Variants in MEGF6 observed in about 807,000 individuals in gnomAD.
The protein encoded by MEGF6 is multiple epidermal growth factor-like domains protein 6.
MEGF6 carries 184 observed loss-of-function variants against 207.1 expected under a neutral mutation model. The observed-to-expected ratio is 0.89, with a 90% CI of 0.79 to 1.00. The LOEUF (loss-of-function observed/expected upper bound fraction) is 1.00, where lower values mean the gene tolerates loss of function less well. Ranked by LOEUF, MEGF6 falls within the 50% of genes least tolerant of loss-of-function variation. The probability of loss-of-function intolerance (pLI) is 0.00; values close to 1 mark genes in which losing one functional copy is unlikely to be tolerated. For missense variants in MEGF6, 2,282 were observed against 2,202.9 expected, an observed-to-expected ratio of 1.04 and a Z score of -0.72; for synonymous variants, 1,038 against 910.0, an observed-to-expected ratio of 1.14 and a Z score of -2.53.
At chr1:3,506,557 G>A (rs747389490) in intron 14 of MEGF6, among the ~76,000 whole-genome samples, 2 of 152,200 alleles carry the variant, frequency 1.3e-5, no homozygotes, top group Non-Finnish European at 2.9e-5. Context: ...CTGTCCCCTG[G>A]TGGTCACTAA....
At chr1:3,505,770 C>T (rs1641091467) in intron 15 of MEGF6, among the ~76,000 whole-genome samples, 1 of 152,216 alleles carries the variant, frequency 6.6e-6, no homozygotes, top group Non-Finnish European at 1.5e-5. Context: ...GGCCTTGCTG[C>T]CAGGAATCTC....
chr1:3,497,486 C>A (rs577009484), intron 26 of MEGF6, 125 bp from the exon 27 acceptor site: 2 of 1,227,884 alleles, frequency 1.6e-6, no homozygotes, highest in Non-Finnish European at 2.2e-6. Flanking sequence ...GGGGGCTGTG[C>A]TCACCATTCT....
At chr1:3,504,137 A>C (rs1051194775) in intron 17 of MEGF6, among the ~76,000 whole-genome samples, 2 of 150,810 alleles carry the variant, frequency 1.3e-5, no homozygotes, top group African/African-American at 5.0e-5. Flanking sequence ...GGCTGGCCCC[A>C]GGGGAGGCAG....
At chr1:3,511,071 C>T (rs549691803) in intron 9 of MEGF6, among the ~76,000 whole-genome samples, 169 bp from the exon 10 acceptor site, 10 of 152,234 alleles carry the variant, frequency 6.6e-5, no homozygotes, top group African/African-American at 2.4e-4. Flanking sequence ...TGCAGACAAT[C>T]GCACCCACCA....
the MEGF6 span, chr1:3,623,302 C>G: frequency 6.6e-6 from 1 of 152,414 alleles, no homozygotes; most frequent in Non-Finnish European, 1.5e-5. Flanking sequence ...AGCTCCCTCC[C>G]GGCCTCTGTT....
intron 4 of MEGF6, among the ~76,000 whole-genome samples, chr1:3,538,138 G>A (rs1642389776): frequency 6.6e-6 from 1 of 152,214 alleles, no homozygotes; most frequent in Non-Finnish European, 1.5e-5. Context: ...GTGGCACGTG[G>A]ATCTGCCTGG....
At chr1:3,508,469 G>A (rs1641200754) in intron 13 of MEGF6, 89 bp downstream of exon 13, 4 of 1,493,196 alleles carry the variant, frequency 2.7e-6, no homozygotes, top group East Asian at 2.3e-5. Context: ...GCAGGCAGGA[G>A]TAAAACTGAA....
intron 4 of MEGF6, among the ~76,000 whole-genome samples, chr1:3,574,800 A>G (rs1460897691): frequency 1.3e-5 from 2 of 151,986 alleles, no homozygotes; most frequent in African/African-American, 4.8e-5. Context: ...CCGCCACCAC[A>G]CCTGGCTAAT....
intron 4 of MEGF6, among the ~76,000 whole-genome samples, chr1:3,552,465 G>A (rs61320690): frequency 0.01 from 1,587 of 152,370 alleles, 32 homozygotes; most frequent in African/African-American, 0.035. Flanking sequence ...GGGAGGCCCA[G>A]GCCGGAGGAT....
In MEGF6 at chr1:3,501,490, C is replaced by T. The variant is rs574529567; in HGVS notation, c.2315-182G>A. Among the ~76,000 whole-genome samples the T allele has an allele frequency of 2.9e-4, 44 of 152,100 alleles. 1 individual carries two copies. The highest frequency in any genetic ancestry group is 2.4e-3 in the Admixed American group (36 of 15,290). On this transcript the variant is annotated intron_variant, in intron 18 of 36. Coordinates refer to ENST00000356575, the MANE Select transcript of MEGF6 (RefSeq NM_001409.4). The stretch of plus-strand genomic sequence containing the variant: ...CTGGGGCTGCAGGCTGCGGGGTGCG[C>T]ACCCACAGTAGAGGACCCCCAGCCC...
intron 4 of MEGF6, among the ~76,000 whole-genome samples, chr1:3,536,365 T>G (rs1254993806): frequency 6.6e-6 from 1 of 152,110 alleles, no homozygotes; most frequent in Non-Finnish European, 1.5e-5. Context: ...CCCACCCAAC[T>G]GAGACGTCCG....
chr1:3,570,218 G>A (rs2101689777), intron 4 of MEGF6, among the ~76,000 whole-genome samples: 1 of 152,282 alleles, frequency 6.6e-6, no homozygotes, highest in South Asian at 2.1e-4. Flanking sequence ...CCAAAGTCAG[G>A]CACCTGCCCC....
intron 33 of MEGF6, 30 bp from the exon 34 acceptor site, chr1:3,493,929 C>A (rs745731072): frequency 6.3e-7 from 1 of 1,582,734 alleles, no homozygotes; most frequent in Admixed American, 1.8e-5. Flanking sequence ...CAGTGTCCCC[C>A]TCCTGTCCTG....
chr1:3,552,153 C>T (rs1642907906), intron 4 of MEGF6, among the ~76,000 whole-genome samples: 2 of 152,216 alleles, frequency 1.3e-5, no homozygotes, highest in Non-Finnish European at 2.9e-5. Flanking sequence ...ACTCCACTGA[C>T]GAGCACATAG....
Position 3,514,537 on chromosome 1 carries a change from AG to A in MEGF6, c.853+12del. 6.3e-7 allele frequency: 1 copy of A among 1,585,644 alleles called. No individual in the cohort carries two copies. The highest frequency in any genetic ancestry group is 8.5e-7 in the Non-Finnish European group (1 of 1,169,596). ...GACCCTGGGCGGGGCGGAGCAGGGG[AG>A]GGGCGTCCTACCTTCACAGGCCTTG... On this transcript the variant is annotated intron_variant, in intron 7 of 36. Transcript: ENST00000356575.
At chr1:3,511,968 C>T (rs767481751) in intron 8 of MEGF6, 38 bp downstream of exon 8, 3 of 1,610,998 alleles carry the variant, frequency 1.9e-6, no homozygotes, top group South Asian at 1.1e-5. Context: ...GCATGGCCAT[C>T]CCGGGCACCT....
At position 3,511,796 on chromosome 1, in the gene MEGF6, C is replaced by A. The variant is rs189268487; in HGVS notation, c.977-109G>T. 8.4e-5 allele frequency: 126 copies of A among 1,502,996 alleles called. 1 individual carries two copies. The African/African-American group carries it at 1.4e-3, about 16-fold the overall frequency. 93.1% of individuals were successfully genotyped at this position (1,502,996 alleles called of 1,614,324 possible). A position where few individuals can be genotyped will look rare whatever the true frequency, so the allele number is the denominator to read the frequency against. On this transcript the variant is annotated intron_variant, in intron 8 of 36. Transcript: ENST00000356575. ...CAGCCAGCCTCGGGCCTGGGGACACCCGTGGGAAGCAGCAACATGGAGCTC... is the reference window on the plus strand; with the variant it reads ...CAGCCAGCCTCGGGCCTGGGGACACACGTGGGAAGCAGCAACATGGAGCTC...
intron 29 of MEGF6, among the ~76,000 whole-genome samples, 171 bp from the exon 30 acceptor site, chr1:3,496,189 C>T (rs74322289): frequency 0.014 from 2,152 of 152,324 alleles, 31 homozygotes; most frequent in Non-Finnish European, 0.022. Flanking sequence ...CCCTTCCACC[C>T]GCAGGCCTGC....
chr1:3,505,394 CG>C lies in MEGF6; in HGVS notation c.2053+27del, dbSNP rs770291728. On this transcript the variant is annotated intron_variant, in intron 16 of 36. Coordinates refer to ENST00000356575, the MANE Select transcript of MEGF6 (RefSeq NM_001409.4). ...GGGGTTAACCGACCCTGGCGCCCCC[CG>C]CCCCCAGACCCCATGCCTGGACTCA... is the stretch of plus-strand genomic sequence containing the variant. 5,884 of 1,543,698 alleles carry C rather than the reference CG, an allele frequency of 3.8e-3. 93 individuals carry two copies. The highest frequency in any genetic ancestry group is 0.011 in the East Asian group (447 of 41,514).
Sources: allele counts gnomAD v4.1 joint callset (sites outside exome capture counted in the v4.1 genomes callset), GRCh38; gene constraint gnomAD v4.1.1; transcripts MANE v1.5; gene names NCBI Gene and HGNC (gene_info 2026-07-23, HGNC 2026-07-21).